The following COL25A1 variants were observed in gnomAD, a reference collection of about 807,000 sequenced individuals.
COL25A1 encodes the protein collagen type XXV alpha 1 chain.
Under a neutral mutation model 128.4 loss-of-function variants are expected in COL25A1, and 103 were observed. The ratio of observed to expected loss-of-function variants is 0.80; its 90% CI spans 0.68 to 0.94. The LOEUF (loss-of-function observed/expected upper bound fraction) is 0.94. COL25A1 is among the 40% of genes least tolerant of loss of function. The pLI is 0.00. For synonymous variants in COL25A1, 279 were observed against 277.2 expected (o/e 1.01, Z -0.06); for missense variants, 745 against 840.0 (o/e 0.89, Z 1.40).
chr4:109,259,385 TC>T (rs1781285843), intron 3 of COL25A1, among the ~76,000 whole-genome samples: 1 of 152,242 alleles, frequency 6.6e-6, no homozygotes, highest in Non-Finnish European at 1.5e-5. Flanking sequence ...ACCTGTTTTT[TC>T]CAAATATATT....
intron 3 of COL25A1, among the ~76,000 whole-genome samples, chr4:109,178,708 G>A (rs1244300812): frequency 5.3e-5 from 8 of 151,806 alleles, no homozygotes; most frequent in East Asian, 1.9e-4. Flanking sequence ...GGTGGCGGGC[G>A]CCTGTAGGCC....
At chr4:108,881,830 T>C (rs983796054) in intron 19 of COL25A1, among the ~76,000 whole-genome samples, 1 of 152,154 alleles carries the variant, frequency 6.6e-6, no homozygotes, top group African/African-American at 2.4e-5. Flanking sequence ...ATCTCCCACA[T>C]CCTGATTAGA....
At chr4:108,951,996 A>G (rs1455906187) in intron 8 of COL25A1, among the ~76,000 whole-genome samples, 1 of 152,230 alleles carries the variant, frequency 6.6e-6, no homozygotes, top group African/African-American at 2.4e-5. Context: ...AATTAATGAC[A>G]AAGAGCTCTT....
At chr4:109,243,555 G>A (rs950983528) in intron 3 of COL25A1, among the ~76,000 whole-genome samples, 1 of 151,962 alleles carries the variant, frequency 6.6e-6, no homozygotes, top group Non-Finnish European at 1.5e-5. Context: ...AAGAAACTAG[G>A]ATTATTCCAC....
chr4:109,108,008 A>C (rs9307328), intron 3 of COL25A1, among the ~76,000 whole-genome samples: 32,263 of 152,160 alleles, frequency 0.21, 4,079 homozygotes, highest in East Asian at 0.39. Flanking sequence ...TACATACCTT[A>C]AAAACCTATT....
chr4:109,272,292 T>C (rs1782251975), intron 3 of COL25A1, among the ~76,000 whole-genome samples: 3 of 152,088 alleles, frequency 2.0e-5, no homozygotes, highest in Admixed American at 2.0e-4. Flanking sequence ...TACAACAAAA[T>C]CATAGAGGAG....
chr4:108,823,915 G>T (rs1177120534), intron 35 of COL25A1: 5 of 1,384,284 alleles, frequency 3.6e-6, no homozygotes, highest in Non-Finnish European at 3.7e-6. Context: ...ATAAATTGGT[G>T]TCAGGTGGTT....
Position 108,808,877 on chromosome 4 carries a change from C to A in COL25A1, c.*5050G>T, listed in dbSNP as rs1730582458. On this transcript the variant is annotated 3_prime_UTR_variant, in exon 38 of 38. Transcript: ENST00000399132. The stretch of plus-strand genomic sequence containing the variant: ...AGATCAACTTCTCACAAACTAGGAA[C>A]CCTGAAAACAAATTTAAAAAGCAAA... The A allele has an allele frequency of 2.6e-5, 4 of 151,982 alleles. 1 individual carries two copies. The South Asian group carries it at 8.3e-4, about 32-fold the overall frequency. The allele number at this position is 151,982 out of a possible 1,614,324, so 9.4% of individuals were successfully genotyped here. A position where few individuals can be genotyped will look rare whatever the true frequency, so the allele number is the denominator to read the frequency against.
chr4:108,933,362 G>C (rs1411038559), intron 11 of COL25A1, among the ~76,000 whole-genome samples: 2 of 152,182 alleles, frequency 1.3e-5, no homozygotes, highest in Non-Finnish European at 2.9e-5. Context: ...GATGAGAATA[G>C]TGGTATTTAT....
At position 108,895,604 on chromosome 4, in the gene COL25A1, T is replaced by G. The variant is rs1240666582; in HGVS notation, c.906+1063A>C. Among the ~76,000 whole-genome samples, 3 of 152,304 alleles carry G rather than the reference T, an allele frequency of 2.0e-5. No homozygotes were observed. The East Asian group carries it at 5.8e-4, about 29-fold the overall frequency. ...TTTAAAAGACCCTTTGCCCCAGGAC[T>G]GAATATGAAGCCTGACAAAATACCC... On this transcript the variant is annotated intron_variant, in intron 16 of 37. Coordinates refer to ENST00000399132, the MANE Select transcript of COL25A1 (RefSeq NM_198721.4).
chr4:108,966,944 G>GGAAAGAAAGAAAAA (rs369031674), intron 8 of COL25A1, among the ~76,000 whole-genome samples: 4 of 141,626 alleles, frequency 2.8e-5, no homozygotes, highest in Non-Finnish European at 4.7e-5. Flanking sequence ...AAGAAAGAGA[G>GGAAAGAAAGAAAAA]GAAAGAAAGA....
intron 3 of COL25A1, among the ~76,000 whole-genome samples, chr4:109,160,774 A>C (rs1281139782): frequency 1.3e-5 from 2 of 152,164 alleles, no homozygotes; most frequent in African/African-American, 4.8e-5. Flanking sequence ...TGAGGAAAGA[A>C]CTAAAAATTC....
intron 3 of COL25A1, among the ~76,000 whole-genome samples, chr4:109,084,389 C>T (rs1447512246): frequency 6.6e-6 from 1 of 152,084 alleles, no homozygotes; most frequent in Non-Finnish European, 1.5e-5. Context: ...AAAACTAAAA[C>T]TGTAATGAAG....
intron 8 of COL25A1, 98 bp from the exon 9 acceptor site, chr4:108,941,535 T>TC: frequency 3.6e-6 from 3 of 833,674 alleles, no homozygotes; most frequent in South Asian, 2.9e-5. Context: ...GATATCCACA[T>TC]TAGACTTATA....
chr4:108,923,861 A>G (rs916230481), intron 11 of COL25A1, among the ~76,000 whole-genome samples: 1 of 152,216 alleles, frequency 6.6e-6, no homozygotes, highest in African/African-American at 2.4e-5. Flanking sequence ...ACCTAGAGTC[A>G]TCATCTTTTC....
intron 12 of COL25A1, among the ~76,000 whole-genome samples, chr4:108,920,315 T>G (rs1745353141): frequency 6.6e-6 from 1 of 152,194 alleles, no homozygotes; most frequent in African/African-American, 2.4e-5. Flanking sequence ...GTTTTACCAG[T>G]ATTTGAATTA....
intron 3 of COL25A1, among the ~76,000 whole-genome samples, chr4:109,228,674 A>C (rs963326214): frequency 1.3e-5 from 2 of 152,208 alleles, no homozygotes; most frequent in Non-Finnish European, 2.9e-5. Context: ...TTCTTAAGCC[A>C]TCAGAGCAGG....
At chr4:108,875,732 A>C (rs1739369296) in intron 19 of COL25A1, among the ~76,000 whole-genome samples, 1 of 152,214 alleles carries the variant, frequency 6.6e-6, no homozygotes, top group Admixed American at 6.5e-5. Flanking sequence ...AAAAGATTAT[A>C]AATCATGCTA....
intron 3 of COL25A1, among the ~76,000 whole-genome samples, chr4:109,195,428 T>G (rs150549426): frequency 6.6e-6 from 1 of 152,204 alleles, no homozygotes; most frequent in Non-Finnish European, 1.5e-5. Flanking sequence ...TCTTAATAGA[T>G]CTTAATGTTC....
Sources: allele counts gnomAD v4.1 joint callset (sites outside exome capture counted in the v4.1 genomes callset), GRCh38; gene constraint gnomAD v4.1.1; transcripts MANE v1.5; gene names NCBI Gene and HGNC (gene_info 2026-07-23, HGNC 2026-07-21).